The following NCOA7 variants were observed in gnomAD, a reference collection of about 807,000 sequenced individuals.
The protein encoded by NCOA7 is 140 kDa estrogen receptor-associated protein.
In NCOA7, 45 loss-of-function variants were observed where a neutral mutation model predicts 104.3. The observed-to-expected ratio is 0.43, with a 90% confidence interval of 0.34 to 0.55. The LOEUF (loss-of-function observed/expected upper bound fraction) is 0.55, where lower values mean the gene tolerates loss of function less well. Among genes scored for constraint, NCOA7 ranks in the 20% least tolerant of loss-of-function variants. The pLI is 0.02. For synonymous variants in NCOA7, 398 were observed against 402.3 expected, an observed-to-expected ratio of 0.99 and a Z score of 0.13; for missense variants, 1,041 against 1,119.7, an observed-to-expected ratio of 0.93 and a Z score of 1.00.
intron 1 of NCOA7, among the ~76,000 whole-genome samples, chr6:125,801,783 T>G (rs1490059240): frequency 1.3e-5 from 2 of 152,200 alleles, no homozygotes; most frequent in Non-Finnish European, 2.9e-5. Context: ...CTTATGGGGA[T>G]TCCAGTCATA....
chr6:125,854,799 A>G (rs141745474), intron 2 of NCOA7, among the ~76,000 whole-genome samples: 137 of 152,328 alleles, frequency 9.0e-4, no homozygotes, highest in African/African-American at 3.1e-3. Context: ...GAGATATAGT[A>G]TTGACTATAT....
chr6:125,920,219 G>A (rs1787451873), intron 11 of NCOA7, among the ~76,000 whole-genome samples: 2 of 152,200 alleles, frequency 1.3e-5, no homozygotes, highest in South Asian at 4.1e-4. Context: ...TTGTAACCTA[G>A]TTGTAATTTA....
intron 8 of NCOA7, among the ~76,000 whole-genome samples, chr6:125,887,541 T>C (rs1784350629): frequency 6.6e-6 from 1 of 152,212 alleles, no homozygotes; most frequent in South Asian, 2.1e-4. Flanking sequence ...TTTTAAAGCA[T>C]TTGTTGGAGC....
chr6:125,824,320 A>T (rs1454182352), intron 2 of NCOA7, among the ~76,000 whole-genome samples: 1 of 152,148 alleles, frequency 6.6e-6, no homozygotes, highest in East Asian at 1.9e-4. Context: ...AGATGGAACT[A>T]TTGTGGTGAA....
intron 2 of NCOA7, among the ~76,000 whole-genome samples, chr6:125,841,538 G>A (rs62425943): frequency 2.7e-4 from 41 of 151,824 alleles, no homozygotes; most frequent in Non-Finnish European, 4.6e-4. Flanking sequence ...TTTTTTAAGA[G>A]CGTGATCAAG....
rs553902208 is a variant in NCOA7 at position 125,875,891 on chromosome 6, T to C, written c.351+923T>C. Among the ~76,000 whole-genome samples the C allele has an allele frequency of 2.0e-5, 3 of 152,336 alleles. No individual in the cohort carries two copies. In the East Asian group the frequency reaches 5.8e-4, roughly 29 times the overall value. ...ACAATGCTAGGTGTGTGTTCATTAC[T>C]ACAACTCCACACTGTGTGCCATGTG... On this transcript the variant is annotated intron_variant, in intron 4 of 15. Transcript: ENST00000392477.
intron 2 of NCOA7, among the ~76,000 whole-genome samples, chr6:125,815,787 C>T (rs1777534600): frequency 6.6e-6 from 1 of 152,166 alleles, no homozygotes; most frequent in Non-Finnish European, 1.5e-5. Flanking sequence ...ACATTTAAAG[C>T]TTATCACCTT....
chr6:125,843,055 A>G (rs909538333), intron 2 of NCOA7, among the ~76,000 whole-genome samples: 5 of 152,208 alleles, frequency 3.3e-5, no homozygotes, highest in African/African-American at 1.2e-4. Flanking sequence ...ACCCCCAAAG[A>G]TAGCCAGTTC....
In NCOA7 at chr6:125,929,212, G is replaced by A. The variant is rs1375485637; in HGVS notation, c.*441G>A. On this transcript the variant is annotated 3_prime_UTR_variant, in exon 16 of 16. Coordinates refer to ENST00000392477, the MANE Select transcript of NCOA7 (RefSeq NM_181782.5). Reference sequence around the variant, plus strand: ...AGTCTCATTTAGAAAAATCGAAAGTGCACAGCACTTAAAGGGAATATATGA... The same window carrying A: ...AGTCTCATTTAGAAAAATCGAAAGTACACAGCACTTAAAGGGAATATATGA... 6.6e-6 allele frequency: 1 copy of A among 150,598 alleles called. No homozygotes were observed. Among genetic ancestry groups the A allele is most frequent in the African/African-American group, 2.5e-5 (1 of 40,676 alleles). The allele number at this position is 150,598 out of a possible 1,614,324, so 9.3% of individuals were successfully genotyped here.
At position 125,830,733 on chromosome 6, in the gene NCOA7, A is replaced by G. The variant is rs1034121382; in HGVS notation, c.50+15329A>G. On this transcript the variant is annotated intron_variant, in intron 2 of 15. Transcript: ENST00000392477. ...CTCTCTATATATTTTATATATATATATATATGTGTGTGTGTGTGTGTGTGT... is the reference window on the plus strand; with the variant it reads ...CTCTCTATATATTTTATATATATATGTATATGTGTGTGTGTGTGTGTGTGT... 1.2e-3 allele frequency among the ~76,000 whole-genome samples: 132 copies of G among 111,840 alleles called. No individual in the cohort carries two copies. The East Asian group carries it at 0.032, about 27-fold the overall frequency. The allele number at this position is 111,840 out of a possible 152,430, so 73.4% of individuals were successfully genotyped here.
intron 11 of NCOA7, chr6:125,919,185 T>C: frequency 6.6e-7 from 1 of 1,520,904 alleles, no homozygotes; most frequent in African/African-American, 1.4e-5. Context: ...TGTGTTCCTG[T>C]AGAAATGTTG....
In NCOA7 at chr6:125,874,876, A is replaced by G; in HGVS notation, c.272-13A>G. The stretch of plus-strand genomic sequence containing the variant: ...AAATGAAATTATTCATTTACATACA[A>G]TTTATTCTTCAGATGACAATCAAAA... On this transcript the variant is annotated splice_polypyrimidine_tract_variant and intron_variant, in intron 3 of 15. Transcript: ENST00000392477. 2 of 1,601,060 alleles carry G rather than the reference A, an allele frequency of 1.2e-6. No individual in the cohort carries two copies. Among genetic ancestry groups the G allele is most frequent in the South Asian group, 2.2e-5 (2 of 90,766 alleles).
intron 10 of NCOA7, chr6:125,913,762 T>TAATAACTATCAAATG: frequency 1.6e-6 from 1 of 614,800 alleles, no homozygotes; most frequent in Non-Finnish European, 2.0e-6. Context: ...GGAAACACAT[T>TAATAACTATCAAATG]TGATAGTTAT....
chr6:125,790,580 C>T (rs1774732961), upstream of NCOA7, among the ~76,000 whole-genome samples: 1 of 151,748 alleles, frequency 6.6e-6, no homozygotes, highest in Admixed American at 6.6e-5. Flanking sequence ...TCGCGGGGGG[C>T]GGGGAGGATG....
chr6:125,854,350 T>G (rs570598545), intron 2 of NCOA7, among the ~76,000 whole-genome samples: 1 of 152,324 alleles, frequency 6.6e-6, no homozygotes, highest in East Asian at 1.9e-4. Context: ...TTACACATAT[T>G]TGGCTCAGGA....
rs914585476 is a variant in NCOA7, at chr6:125,930,735, G to A, written c.*1964G>A. The A allele has an allele frequency of 6.6e-6, 1 of 152,158 alleles. No individual in the cohort carries two copies. Among genetic ancestry groups the A allele is most frequent in the Non-Finnish European group, 1.5e-5 (1 of 68,030 alleles). 9.4% of individuals were successfully genotyped at this position (152,158 alleles called of 1,614,324 possible). A position where few individuals can be genotyped will look rare whatever the true frequency, so the allele number is the denominator to read the frequency against. On this transcript the variant is annotated 3_prime_UTR_variant, in exon 16 of 16. Coordinates refer to ENST00000392477, the MANE Select transcript of NCOA7 (RefSeq NM_181782.5). ...TTTTAAATCTGTAGCCTGGGTGTAC[G>A]TTTCACTCAAGTTCTCCTACTGAGG...
rs568653221 is a variant in NCOA7 at position 125,808,623 on chromosome 6, T to C, written c.-64-6668T>C. Among the ~76,000 whole-genome samples, 198 of 152,198 alleles carry C rather than the reference T, an allele frequency of 1.3e-3. 2 individuals are homozygous for C. The highest frequency in any genetic ancestry group is 2.4e-3 in the Non-Finnish European group (164 of 68,032). Reference sequence around the variant, plus strand: ...CTGCCTTAAATGATCATTTCTAAAATTTTCCTGGGAATCTATGTGATGATA... The same window carrying C: ...CTGCCTTAAATGATCATTTCTAAAACTTTCCTGGGAATCTATGTGATGATA... On this transcript the variant is annotated intron_variant, in intron 1 of 15. Coordinates refer to ENST00000392477, the MANE Select transcript of NCOA7 (RefSeq NM_181782.5).
At chr6:125,874,627 A>G (rs1783209281) in intron 3 of NCOA7, among the ~76,000 whole-genome samples, 1 of 152,226 alleles carries the variant, frequency 6.6e-6, no homozygotes, top group Non-Finnish European at 1.5e-5. Flanking sequence ...CATAATCATT[A>G]TACATTATCA....
At chr6:125,870,796 T>C (rs770967024) in intron 3 of NCOA7, among the ~76,000 whole-genome samples, 5 of 152,140 alleles carry the variant, frequency 3.3e-5, no homozygotes, top group African/African-American at 9.7e-5. Flanking sequence ...CTCCAGGCCC[T>C]TTTATGGTGT....
Sources: gnomAD v4.1 joint callset for allele counts (sites outside exome capture counted in the v4.1 genomes callset) on GRCh38, gnomAD v4.1.1 for gene constraint, MANE v1.5 for transcripts, NCBI Gene and HGNC (gene_info 2026-07-23, HGNC 2026-07-21) for gene names.